The following RBFOX1 variants were observed in gnomAD, a reference collection of about 807,000 sequenced individuals.
RBFOX1 encodes the protein RNA binding protein fox-1 homolog 1.
A neutral mutation model predicts 57.7 loss-of-function variants in RBFOX1; 8 were observed. The observed-to-expected ratio is 0.14, with a 90% CI of 0.08 to 0.25. RBFOX1 has a LOEUF of 0.25. Among genes scored for constraint, RBFOX1 ranks in the 10% least tolerant of loss-of-function variants. RBFOX1 has a pLI of 1.00. For missense variants in RBFOX1, 611 were observed against 548.5 expected, an observed-to-expected ratio of 1.11 and a Z score of -1.14; for synonymous variants, 326 against 222.4, an observed-to-expected ratio of 1.47 and a Z score of -4.15.
intron 3 of RBFOX1, among the ~76,000 whole-genome samples, chr16:7,022,728 G>A (rs565471482): frequency 1.3e-5 from 2 of 152,146 alleles, no homozygotes; most frequent in African/African-American, 2.4e-5. Flanking sequence ...GAGGAAAAAC[G>A]AAGTCTTAGT....
intron 3 of RBFOX1, among the ~76,000 whole-genome samples, chr16:5,789,421 G>A (rs1271247300): frequency 6.6e-6 from 1 of 152,092 alleles, no homozygotes; most frequent in Non-Finnish European, 1.5e-5. Context: ...GCATATTTGT[G>A]TATATTTATA....
In RBFOX1 at chr16:6,853,781, C is replaced by G. The variant is rs1603632558; in HGVS notation, c.-15-198276C>G. ...GTGGAGAGGAGCTGCACTCTGACCT[C>G]ACTTGAAGAAACCACCGAGGGGTAA... On this transcript the variant is annotated intron_variant, in intron 3 of 15. Transcript: ENST00000550418. 2.6e-5 allele frequency among the ~76,000 whole-genome samples: 4 copies of G among 152,182 alleles called. No individual in the cohort carries two copies. The South Asian group carries it at 8.3e-4, about 32-fold the overall frequency.
intron 4 of RBFOX1, among the ~76,000 whole-genome samples, chr16:7,482,422 C>G (rs990758343): frequency 6.6e-6 from 1 of 152,022 alleles, no homozygotes; most frequent in African/African-American, 2.4e-5. Context: ...AGCCTTATTC[C>G]TGAATTTCTC....
At chr16:7,593,984 G>A (rs2094567873) in intron 7 of RBFOX1, among the ~76,000 whole-genome samples, 1 of 152,016 alleles carries the variant, frequency 6.6e-6, no homozygotes, top group Non-Finnish European at 1.5e-5. Flanking sequence ...TTTTTTTGTT[G>A]TTTTATTATA....
At chr16:6,613,741 G>A (rs976839398) in intron 2 of RBFOX1, among the ~76,000 whole-genome samples, 6 of 152,204 alleles carry the variant, frequency 3.9e-5, no homozygotes, top group African/African-American at 7.2e-5. Context: ...GTTTGAGACC[G>A]GCCTGGCCAA....
chr16:6,511,409 A>G (rs1457760115), intron 2 of RBFOX1, among the ~76,000 whole-genome samples: 1 of 152,176 alleles, frequency 6.6e-6, no homozygotes, highest in African/African-American at 2.4e-5. Context: ...CATACGCAAA[A>G]TGAAGACCTG....
intron 2 of RBFOX1, among the ~76,000 whole-genome samples, chr16:6,606,132 A>G (rs1057062677): frequency 6.6e-6 from 1 of 152,058 alleles, no homozygotes; most frequent in Non-Finnish European, 1.5e-5. Context: ...AAAGAAATAT[A>G]CATCTTATAA....
At chr16:5,438,828 T>C (rs1423922561) in intron 1 of RBFOX1, among the ~76,000 whole-genome samples, 1 of 151,954 alleles carries the variant, frequency 6.6e-6, no homozygotes, top group Non-Finnish European at 1.5e-5. Flanking sequence ...TTGCACTCTT[T>C]AGGGTCAAAA....
rs190382299 is a variant in RBFOX1 at position 5,506,434 on chromosome 16, G to A, written c.258+39180G>A. ...TCTTGGTCTAGTCCCAGCCTTCCAA[G>A]TTCAGGTACGTGAACCCAGACCAGA... On this transcript the variant is annotated intron_variant, in intron 2 of 2. Transcript: ENST00000585867. Among the ~76,000 whole-genome samples the A allele has an allele frequency of 7.4e-4, 112 of 152,290 alleles. 1 individual carries two copies. Among genetic ancestry groups the A allele is most frequent in the South Asian group, 6.2e-3 (30 of 4,810 alleles).
intron 1 of RBFOX1, among the ~76,000 whole-genome samples, chr16:5,342,564 C>A (rs1036807482): frequency 6.6e-6 from 1 of 152,172 alleles, no homozygotes; most frequent in Admixed American, 6.5e-5. Context: ...TCATGTAGAA[C>A]TTTTAGCTCG....
chr16:6,367,664 G>C (rs1048493718), intron 2 of RBFOX1, among the ~76,000 whole-genome samples: 1 of 151,836 alleles, frequency 6.6e-6, no homozygotes, highest in African/African-American at 2.4e-5. Context: ...GAGGGAGCTG[G>C]GGTGTTTTGC....
At chr16:5,827,983 C>T (rs576246312) in intron 3 of RBFOX1, among the ~76,000 whole-genome samples, 137 of 138,138 alleles carry the variant, frequency 9.9e-4, no homozygotes, top group African/African-American at 3.5e-3. Flanking sequence ...CCATGCATTC[C>T]TCTATGCATC....
chr16:7,190,954 C>A (rs192155223), intron 4 of RBFOX1, among the ~76,000 whole-genome samples: 1 of 151,690 alleles, frequency 6.6e-6, no homozygotes, highest in Non-Finnish European at 1.5e-5. Context: ...TCTCCCTAAT[C>A]ATCTCAATCA....
chr16:6,599,929 A>C (rs894584462), intron 2 of RBFOX1, among the ~76,000 whole-genome samples: 4 of 152,206 alleles, frequency 2.6e-5, no homozygotes, highest in African/African-American at 9.6e-5. Flanking sequence ...GTGTTAACCC[A>C]CAATCAACAA....
intron 4 of RBFOX1, among the ~76,000 whole-genome samples, chr16:5,964,664 C>G (rs1287298088): frequency 6.6e-6 from 1 of 151,630 alleles, no homozygotes; most frequent in Non-Finnish European, 1.5e-5. Flanking sequence ...CATACAGTGA[C>G]TTTTAGGCCA....
chr16:6,974,770 A>C (rs2086434541), intron 3 of RBFOX1, among the ~76,000 whole-genome samples: 1 of 150,828 alleles, frequency 6.6e-6, no homozygotes. Context: ...GCACCAGAAA[A>C]CCCCCTGTGT....
At chr16:6,993,193 G>T (rs1240784561) in intron 3 of RBFOX1, among the ~76,000 whole-genome samples, 2 of 151,518 alleles carry the variant, frequency 1.3e-5, no homozygotes, top group African/African-American at 2.4e-5. Context: ...ATCATTTGAG[G>T]CTGAATGGTA....
At chr16:5,407,129 C>T (rs577816) in intron 1 of RBFOX1, among the ~76,000 whole-genome samples, 1 of 151,878 alleles carries the variant, frequency 6.6e-6, no homozygotes, top group African/African-American at 2.4e-5. Context: ...CTTTCTTGGT[C>T]TCAGGCAAGA....
chr16:6,444,390 C>G (rs1049111609), intron 2 of RBFOX1, among the ~76,000 whole-genome samples: 1 of 152,140 alleles, frequency 6.6e-6, no homozygotes, highest in Non-Finnish European at 1.5e-5. Context: ...TCCACAATTC[C>G]TACGGGTCAT....
Sources: allele counts gnomAD v4.1 joint callset (sites outside exome capture counted in the v4.1 genomes callset), GRCh38; gene constraint gnomAD v4.1.1; transcripts MANE v1.5; gene names NCBI Gene and HGNC (gene_info 2026-07-23, HGNC 2026-07-21).